Variants in GATM observed in about 807,000 individuals in gnomAD.
GATM encodes glycine amidinotransferase.
A neutral mutation model predicts 54.2 loss-of-function variants in GATM; 23 were observed. The observed-to-expected ratio is 0.42, with a 90% CI of 0.31 to 0.60. The LOEUF is 0.60. Among genes scored for constraint, GATM ranks in the 20% least tolerant of loss-of-function variants. The probability of loss-of-function intolerance (pLI) is 0.14; values close to 1 mark genes in which losing one functional copy is unlikely to be tolerated. For missense variants in GATM, 401 were observed against 544.9 expected, an observed-to-expected ratio of 0.74 and a Z score of 2.63; for synonymous variants, 168 against 183.1, an observed-to-expected ratio of 0.92 and a Z score of 0.67.
intron 1 of GATM, chr15:45,377,123 G>T (rs758142326): frequency 4.2e-6 from 2 of 473,798 alleles, no homozygotes; most frequent in East Asian, 5.8e-5. Flanking sequence ...TGCAATTCCT[G>T]CACTCAAGCT....
chr15:45,391,175 C>T (rs529927016), intron 3 of GATM, among the ~76,000 whole-genome samples: 1 of 151,088 alleles, frequency 6.6e-6, no homozygotes, highest in Non-Finnish European at 1.5e-5. Context: ...GAGGCCAAGG[C>T]AGGTGGATCA....
In GATM at chr15:45,378,523, G is replaced by A; in HGVS notation, c.-70C>T. 8.0e-7 allele frequency: 1 copy of A among 1,247,820 alleles called. No homozygotes were observed. 77.3% of individuals were successfully genotyped at this position (1,247,820 alleles called of 1,614,324 possible). A position where few individuals can be genotyped will look rare whatever the true frequency, so the allele number is the denominator to read the frequency against. The stretch of plus-strand genomic sequence containing the variant: ...GGGCCGCGTCGGTCCAAGCCTTCCC[G>A]AGAGCGCGCCCGGAGCGGGGTGGGC... On this transcript the variant is annotated 5_prime_UTR_variant, in exon 1 of 9. Coordinates refer to ENST00000396659, the MANE Select transcript of GATM (RefSeq NM_001482.3).
chr15:45,373,571 G>A (rs1889581248), intron 2 of GATM, among the ~76,000 whole-genome samples: 1 of 151,930 alleles, frequency 6.6e-6, no homozygotes, highest in Non-Finnish European at 1.5e-5. Flanking sequence ...AGAACAAAAA[G>A]TCACAGAGCT....
In GATM at chr15:45,378,430, G is replaced by A. The variant is rs1158554132; in HGVS notation, c.24C>T (p.Arg8=). Residue 8 remains arginine (R), a synonymous_variant, in exon 1 of 9, where the codon CGC becomes CGT. Transcript: ENST00000396659. MLRVRCL[R]GGSRGAEAVH... is the part of the protein sequence containing the mutation. ...CCGCCTCGGCGCCGCGGCTCCCGCC[G>A]CGCAGACACCGCACCCGCAGCATCG... 1.3e-6 allele frequency: 2 copies of A among 1,503,196 alleles called. No homozygotes were observed. The highest frequency in any genetic ancestry group is 8.8e-7 in the Non-Finnish European group (1 of 1,133,152). The allele number at this position is 1,503,196 out of a possible 1,614,324, so 93.1% of individuals were successfully genotyped here.
At chr15:45,401,262 G>A (rs1280402833) in intron 1 of GATM, among the ~76,000 whole-genome samples, 1 of 152,070 alleles carries the variant, frequency 6.6e-6, no homozygotes. Flanking sequence ...TCCCAGATCT[G>A]ACAGTACTTC....
chr15:45,376,622 T>C lies in GATM; in HGVS notation c.267A>G (p.Pro89=). 1 of 1,614,162 alleles carries C rather than the reference T, an allele frequency of 6.2e-7. No individual in the cohort carries two copies. Among genetic ancestry groups the C allele is most frequent in the Non-Finnish European group, 8.5e-7 (1 of 1,180,022 alleles). The part of the protein sequence containing the change: ...IVGRAENACV[P]PFTIEVKANT... ...TTACCTTCACCTCGATGGTGAACGG[T>C]GGAACACAGGCGTTTTCTGCTCTGC... Residue 89 remains proline (P), a synonymous_variant, in exon 2 of 9, where the codon CCA becomes CCG. Coordinates refer to ENST00000396659, the MANE Select transcript of GATM (RefSeq NM_001482.3).
chr15:45,391,997 C>G (rs1889878812), intron 3 of GATM, among the ~76,000 whole-genome samples: 1 of 152,182 alleles, frequency 6.6e-6, no homozygotes, highest in Non-Finnish European at 1.5e-5. Context: ...AGCTTTAAAG[C>G]CTGACCCTAC....
chr15:45,370,342 C>G (rs1161107727), intron 2 of GATM, among the ~76,000 whole-genome samples: 1 of 149,886 alleles, frequency 6.7e-6, no homozygotes, highest in Admixed American at 6.7e-5. Context: ...TGCCACTGCA[C>G]TCCAGCCTGG....
chr15:45,368,002 CTCTA>C lies in GATM; in HGVS notation c.675+64_675+67del, dbSNP rs560210395. On this transcript the variant is annotated intron_variant, in intron 4 of 8. Coordinates refer to ENST00000396659, the MANE Select transcript of GATM (RefSeq NM_001482.3). The surrounding 1 kb of genome is among the most constrained non-coding windows in gnomAD (Gnocchi z 5.1). ...TAATATATACAAGGTATCAGAGAATCTCTATCTTACTCTTTGTGGATCATTTAGA... is the reference window on the plus strand; with the variant it reads ...TAATATATACAAGGTATCAGAGAATCTCTTACTCTTTGTGGATCATTTAGA... 3.1e-4 allele frequency: 431 copies of C among 1,378,246 alleles called. 4 individuals are homozygous for C. In the South Asian group the frequency reaches 4.8e-3, roughly 15 times the overall value. 85.4% of individuals were successfully genotyped at this position (1,378,246 alleles called of 1,614,324 possible). A position where few individuals can be genotyped will look rare whatever the true frequency, so the allele number is the denominator to read the frequency against.
At chr15:45,383,854 T>C (rs768444073) in intron 3 of GATM, among the ~76,000 whole-genome samples, 14 of 152,210 alleles carry the variant, frequency 9.2e-5, no homozygotes, top group Non-Finnish European at 8.8e-5. Flanking sequence ...CTTCAATTAA[T>C]TTTAAAATCA....
At chr15:45,389,584 C>T (rs145366337) in intron 3 of GATM, among the ~76,000 whole-genome samples, 74 of 152,314 alleles carry the variant, frequency 4.9e-4, no homozygotes, top group South Asian at 1.9e-3. Context: ...GCTGGGACAG[C>T]AGGTGCATGC....
At chr15:45,384,258 T>G (rs140465732) in intron 3 of GATM, among the ~76,000 whole-genome samples, 19 of 152,376 alleles carry the variant, frequency 1.2e-4, no homozygotes, top group African/African-American at 4.6e-4. Context: ...TCAAGATATC[T>G]CTGAGTGTTT....
Position 45,364,566 on chromosome 15 carries a change from C to A in GATM, c.1042+231G>T, listed in dbSNP as rs564596689. On this transcript the variant is annotated intron_variant, in intron 7 of 8. Transcript: ENST00000396659. ...AAAAAAAAAGTCATATCTTGCTTTA[C>A]GTGATGTTGTTTTATTCTGTCTTCT... 609 of 491,780 alleles carry A rather than the reference C, an allele frequency of 1.2e-3. 6 individuals carry two copies. The South Asian group carries it at 0.015, about 12-fold the overall frequency. The allele number at this position is 491,780 out of a possible 1,614,324, so 30.5% of individuals were successfully genotyped here.
intron 3 of GATM, 35 bp downstream of exon 3, chr15:45,369,291 A>C: frequency 6.3e-7 from 1 of 1,578,684 alleles, no homozygotes. Context: ...TTGAAAATTC[A>C]GACACTGGCA....
chr15:45,389,366 T>G (rs919950391), intron 3 of GATM, among the ~76,000 whole-genome samples: 1 of 152,252 alleles, frequency 6.6e-6, no homozygotes, highest in Non-Finnish European at 1.5e-5. Flanking sequence ...CAAGTTTCTA[T>G]GGTTTGATAA....
intron 7 of GATM, chr15:45,364,339 C>G (rs1889412843): frequency 2.9e-6 from 1 of 349,094 alleles, no homozygotes; most frequent in South Asian, 3.0e-5. Flanking sequence ...TGGTGCCTCA[C>G]TGGGGAACAC....
intron 1 of GATM, among the ~76,000 whole-genome samples, chr15:45,399,923 A>G (rs557611368): frequency 3.9e-5 from 6 of 152,354 alleles, no homozygotes; most frequent in African/African-American, 1.4e-4. Flanking sequence ...TCCCATTAGA[A>G]TGGTTTACCA....
intron 3 of GATM, among the ~76,000 whole-genome samples, chr15:45,384,881 A>G (rs1889787790): frequency 1.3e-5 from 2 of 152,010 alleles, no homozygotes; most frequent in Admixed American, 1.3e-4. Flanking sequence ...TAATGTTTAC[A>G]TTTTTTTGTA....
intron 2 of GATM, among the ~76,000 whole-genome samples, chr15:45,375,917 A>G (rs547602923): frequency 6.6e-6 from 1 of 152,316 alleles, no homozygotes; most frequent in Admixed American, 6.5e-5. Context: ...AGGAGTGACC[A>G]GTTAGGAGTT....
Sources: gnomAD v4.1 joint callset for allele counts (sites outside exome capture counted in the v4.1 genomes callset) on GRCh38, gnomAD v4.1.1 for gene constraint, Gnocchi (gnomAD v3.1) non-coding constraint, MANE v1.5 for transcripts, NCBI Gene and HGNC (gene_info 2026-07-23, HGNC 2026-07-21) for gene names.